TTF1: variants seen among roughly 807,000 people sequenced by gnomAD.
The protein encoded by TTF1 is transcription termination factor 1.
In TTF1, 64 loss-of-function variants were observed where a neutral mutation model predicts 80.2. That is an observed-to-expected ratio of 0.80 (90% CI 0.65 to 0.98). The LOEUF is 0.98. Ranked by LOEUF, TTF1 falls within the 50% of genes least tolerant of loss-of-function variation. TTF1 has a pLI of 0.00. For synonymous variants in TTF1, 372 were observed against 382.7 expected, an observed-to-expected ratio of 0.97 and a Z score of 0.33; for missense variants, 1,023 against 1,086.2, an observed-to-expected ratio of 0.94 and a Z score of 0.82.
chr9:132,382,927 A>G lies in TTF1; in HGVS notation c.2378+3629T>C, dbSNP rs150738895. ...TTAAAAATACAAAAATTAGCCAGGT[A>G]TGGTGGCAGGTACCTGTAATCCCAG... On this transcript the variant is annotated intron_variant, in intron 9 of 10. Coordinates refer to ENST00000334270, the MANE Select transcript of TTF1 (RefSeq NM_007344.4). Among the ~76,000 whole-genome samples the G allele has an allele frequency of 7.2e-5, 11 of 152,062 alleles. 1 individual carries two copies. The East Asian group carries it at 2.1e-3, about 29-fold the overall frequency.
intron 10 of TTF1, among the ~76,000 whole-genome samples, chr9:132,377,923 C>G (rs1849257928): frequency 9.7e-6 from 1 of 102,848 alleles, no homozygotes; most frequent in East Asian, 3.1e-4. Context: ...TGTGTGAGTG[C>G]ATGTGGTGCG....
chr9:132,386,754 A>G, intron 8 of TTF1, 133 bp from the exon 9 acceptor site: 3 of 686,246 alleles, frequency 4.4e-6, no homozygotes, highest in Non-Finnish European at 5.0e-6. Flanking sequence ...TTACACATGC[A>G]CAGTGAGCTC....
chr9:132,384,598 C>T lies in TTF1; in HGVS notation c.2378+1958G>A, dbSNP rs564316621. On this transcript the variant is annotated intron_variant, in intron 9 of 10. Transcript: ENST00000334270. The surrounding 1 kb of genome is among the most constrained non-coding windows in gnomAD (Gnocchi z 4.1). ...TAGATACTGGTTTCCTGTAGGGCTACGCGTGGCTGGTGAGTGGTAAGGGGA... is the reference window on the plus strand; with the variant it reads ...TAGATACTGGTTTCCTGTAGGGCTATGCGTGGCTGGTGAGTGGTAAGGGGA... 6.6e-5 allele frequency among the ~76,000 whole-genome samples: 10 copies of T among 152,312 alleles called. No individual in the cohort carries two copies. The highest frequency in any genetic ancestry group is 4.1e-4 in the South Asian group (2 of 4,830).
chr9:132,395,879 G>A (rs1472124140), intron 5 of TTF1, among the ~76,000 whole-genome samples: 3 of 152,094 alleles, frequency 2.0e-5, no homozygotes, highest in East Asian at 3.9e-4. Context: ...CCAAACGCTC[G>A]GTCTACGTTT....
intron 3 of TTF1, 32 bp from the exon 4 acceptor site, chr9:132,398,358 G>A: frequency 6.6e-7 from 1 of 1,504,274 alleles, no homozygotes; most frequent in East Asian, 2.4e-5. Flanking sequence ...GAGAAAGTGT[G>A]TATTGTTAAT....
intron 5 of TTF1, among the ~76,000 whole-genome samples, chr9:132,394,919 C>T (rs907145283): frequency 3.3e-5 from 5 of 149,484 alleles, no homozygotes; most frequent in East Asian, 2.0e-4. Flanking sequence ...TTGCCAGGCA[C>T]GGTGTCTCAC....
At position 132,402,510 on chromosome 9, in the gene TTF1, A is replaced by C; in HGVS notation, c.312T>G (p.Val104=). 1 of 1,614,204 alleles carries C rather than the reference A, an allele frequency of 6.2e-7. No homozygotes were observed. Among genetic ancestry groups the C allele is most frequent in the Non-Finnish European group, 8.5e-7 (1 of 1,180,046 alleles). ...LEVDEEAGVT[V]VLVDKENINN... ...TAATATTTTCTTTATCCACAAGGAC[A>C]ACTGTAACACCTGCTTCCTCGTCCA... The change falls in exon 2 of 11, where the codon GTT becomes GTG. Residue 104 remains valine (V), a synonymous_variant. Transcript: ENST00000334270.
At position 132,398,172 on chromosome 9, in the gene TTF1, T is replaced by C. The variant is rs1041617774; in HGVS notation, c.1746A>G (p.Leu582=). ...YPEEKSVITN[L]KRRYSFRLHI... is the part of the protein sequence containing the mutation. ...GTAATCTAAACGAGTATCTCCTTTT[T>C]AAGTTGGTGATCACAGATTTTTCCT... Residue 582 remains leucine (L), a synonymous_variant, in exon 4 of 11, where the codon TTA becomes TTG. Transcript: ENST00000334270. 12 of 1,589,914 alleles carry C rather than the reference T, an allele frequency of 7.5e-6. No individual in the cohort carries two copies. The highest frequency in any genetic ancestry group is 1.0e-5 in the Non-Finnish European group (12 of 1,173,212).
At chr9:132,403,899 G>A (rs370050119) in intron 1 of TTF1, among the ~76,000 whole-genome samples, 2 of 152,148 alleles carry the variant, frequency 1.3e-5, no homozygotes, top group African/African-American at 2.4e-5. Flanking sequence ...AAGAGCGGAC[G>A]TTCTGCGATA....
At position 132,375,714 on chromosome 9, in the gene TTF1, A is replaced by G; in HGVS notation, c.*201T>C. The G allele has an allele frequency of 2.0e-6, 1 of 504,960 alleles. No homozygotes were observed. Among genetic ancestry groups the G allele is most frequent in the South Asian group, 2.5e-5 (1 of 39,908 alleles). 31.3% of individuals were successfully genotyped at this position (504,960 alleles called of 1,614,324 possible). A position where few individuals can be genotyped will look rare whatever the true frequency, so the allele number is the denominator to read the frequency against. Reference sequence around the variant, plus strand: ...ATCAAACTGAGAAAAAGGGACAAGAAATAGTAATCTCTCTCTCTCATGCGG... The same window carrying G: ...ATCAAACTGAGAAAAAGGGACAAGAGATAGTAATCTCTCTCTCTCATGCGG... On this transcript the variant is annotated 3_prime_UTR_variant, in exon 11 of 11. Coordinates refer to ENST00000334270, the MANE Select transcript of TTF1 (RefSeq NM_007344.4).
At chr9:132,389,690 A>C (rs555405) in intron 7 of TTF1, among the ~76,000 whole-genome samples, 1 of 152,158 alleles carries the variant, frequency 6.6e-6, no homozygotes, top group South Asian at 2.1e-4. Context: ...TGTGCAAGGT[A>C]GGGGGGTCAT....
At chr9:132,376,304 T>G in intron 10 of TTF1, 136 bp from the exon 11 acceptor site, 2 of 965,876 alleles carry the variant, frequency 2.1e-6, no homozygotes, top group Non-Finnish European at 3.0e-6. Flanking sequence ...TCCAATTGGT[T>G]TACCCACATT....
intron 9 of TTF1, 66 bp from the exon 10 acceptor site, chr9:132,379,210 T>C (rs1849323622): frequency 8.6e-7 from 1 of 1,169,050 alleles, no homozygotes; most frequent in Middle Eastern, 2.6e-4. Context: ...CAATACAGTG[T>C]AGTAAGTACA....
At position 132,400,234 on chromosome 9, in the gene TTF1, G is replaced by A. The variant is rs1849736039; in HGVS notation, c.1392C>T (p.His464=). Residue 464 remains histidine, a synonymous_variant, in exon 3 of 11, where the codon CAC becomes CAT. Coordinates refer to ENST00000334270, the MANE Select transcript of TTF1 (RefSeq NM_007344.4). ...APRLEPANEE[H]NVETAEDSEI... ...CGGAATCTTCAGCTGTTTCCACATT[G>A]TGTTCTTCATTTGCAGGTTCTAACC... 6.2e-7 allele frequency: 1 copy of A among 1,614,036 alleles called. No homozygotes were observed. The highest frequency in any genetic ancestry group is 8.5e-7 in the Non-Finnish European group (1 of 1,180,040).
rs1849168049 is a variant in TTF1 at position 132,375,975 on chromosome 9, T to C, written c.2658A>G (p.Pro886=). Residue 886 remains proline, a synonymous_variant, in exon 11 of 11, where the codon CCA becomes CCG. Transcript: ENST00000334270. ...DIEKESEGQA[P]CMAHACNSST... Reference sequence around the variant, plus strand: ...TGGAATTACAGGCGTGAGCCATGCATGGCGCCTGGCCTTCGCTTTCTTTTT... The same window carrying C: ...TGGAATTACAGGCGTGAGCCATGCACGGCGCCTGGCCTTCGCTTTCTTTTT... 5 of 1,612,680 alleles carry C rather than the reference T, an allele frequency of 3.1e-6. No individual in the cohort carries two copies. In the South Asian group the frequency reaches 3.3e-5, roughly 11 times the overall value.
chr9:132,378,046 AATGCATGTGGTGTGTGAGTGC>A (rs1849264829), intron 10 of TTF1, among the ~76,000 whole-genome samples: 1 of 62,396 alleles, frequency 1.6e-5, no homozygotes, highest in Non-Finnish European at 3.0e-5. Flanking sequence ...TGTGTGTGTG[AATGCATGTGGTGTGTGAGTGC>A]ATGTGGTGTG....
chr9:132,393,310 C>T (rs1849593381), intron 5 of TTF1, among the ~76,000 whole-genome samples: 1 of 151,666 alleles, frequency 6.6e-6, no homozygotes, highest in Non-Finnish European at 1.5e-5. Flanking sequence ...CTCTGCAGCA[C>T]TGTAACATGT....
chr9:132,387,237 C>A (rs1195689491), intron 8 of TTF1, among the ~76,000 whole-genome samples: 1 of 152,178 alleles, frequency 6.6e-6, no homozygotes, highest in African/African-American at 2.4e-5. Context: ...GCGTCAGGCA[C>A]CACGCCGAGC....
At chr9:132,389,874 G>A (rs1227983288) in intron 7 of TTF1, among the ~76,000 whole-genome samples, 1 of 152,216 alleles carries the variant, frequency 6.6e-6, no homozygotes, top group Non-Finnish European at 1.5e-5. Context: ...TTCATCTGAG[G>A]AACCGCAGAA....
Sources: gnomAD v4.1 joint callset for allele counts (sites outside exome capture counted in the v4.1 genomes callset) on GRCh38, gnomAD v4.1.1 for gene constraint, Gnocchi (gnomAD v3.1) non-coding constraint, MANE v1.5 for transcripts, NCBI Gene and HGNC (gene_info 2026-07-23, HGNC 2026-07-21) for gene names.